Variants in ANKRD55 observed in about 807,000 individuals in gnomAD.
The protein encoded by ANKRD55 is ankyrin repeat domain 55.
A neutral mutation model predicts 60.6 loss-of-function variants in ANKRD55; 41 were observed. The observed-to-expected ratio is 0.68, with a 90% confidence interval of 0.53 to 0.88. The LOEUF (loss-of-function observed/expected upper bound fraction) is 0.88. ANKRD55 is among the 40% of genes least tolerant of loss of function. The pLI, the probability that ANKRD55 is intolerant of heterozygous loss-of-function variation, is 0.00. For missense variants in ANKRD55, 732 were observed against 767.6 expected (o/e 0.95, Z 0.55); for synonymous variants, 264 against 290.3 (o/e 0.91, Z 0.92).
intron 2 of ANKRD55, among the ~76,000 whole-genome samples, chr5:56,212,056 AC>A (rs1202059717): frequency 2.4e-5 from 3 of 125,858 alleles, no homozygotes; most frequent in African/African-American, 1.1e-4. Context: ...AAAGACACAC[AC>A]ACACACACAC....
chr5:56,203,706 G>A (rs141292570), intron 2 of ANKRD55, among the ~76,000 whole-genome samples: 19,063 of 152,106 alleles, frequency 0.13, 2,597 homozygotes, highest in African/African-American at 0.33. Context: ...TGGTGTATAT[G>A]TGCCACATTT....
At chr5:56,197,586 C>T (rs1457839802) in intron 2 of ANKRD55, among the ~76,000 whole-genome samples, 6 of 151,978 alleles carry the variant, frequency 3.9e-5, no homozygotes, top group East Asian at 3.8e-4. Context: ...TTAAGATCTT[C>T]GTTATTTAGA....
intron 10 of ANKRD55, among the ~76,000 whole-genome samples, chr5:56,109,259 C>T (rs1204425012): frequency 6.6e-6 from 1 of 152,132 alleles, no homozygotes; most frequent in Admixed American, 6.6e-5. Flanking sequence ...GTGGTGTGGA[C>T]TGGACTGAAC....
At chr5:56,187,276 C>T (rs891736368) in intron 2 of ANKRD55, among the ~76,000 whole-genome samples, 5 of 152,126 alleles carry the variant, frequency 3.3e-5, no homozygotes, top group African/African-American at 7.2e-5. Flanking sequence ...AGCTCACACC[C>T]GACCAATCAG....
chr5:56,136,575 C>A (rs1757603923), intron 7 of ANKRD55, among the ~76,000 whole-genome samples: 1 of 152,086 alleles, frequency 6.6e-6, no homozygotes, highest in South Asian at 2.1e-4. Context: ...TAGACACAGA[C>A]CTTATACCTT....
chr5:56,168,242 T>G (rs1758529173), intron 5 of ANKRD55, among the ~76,000 whole-genome samples: 1 of 152,224 alleles, frequency 6.6e-6, no homozygotes, highest in African/African-American at 2.4e-5. Flanking sequence ...TAATCTGCGG[T>G]TTCGCTTTCC....
At chr5:56,108,779 C>T (rs1056394911) in intron 10 of ANKRD55, among the ~76,000 whole-genome samples, 5 of 152,220 alleles carry the variant, frequency 3.3e-5, no homozygotes, top group African/African-American at 1.2e-4. Context: ...TGGCTCACGC[C>T]TGTAATCCCA....
chr5:56,131,622 C>A (rs1423127483), intron 7 of ANKRD55, among the ~76,000 whole-genome samples: 41 of 150,884 alleles, frequency 2.7e-4, no homozygotes, highest in African/African-American at 9.3e-4. Flanking sequence ...ATGGAGAAAC[C>A]CCGTCTCTGC....
intron 10 of ANKRD55, among the ~76,000 whole-genome samples, chr5:56,103,918 G>T (rs1462368531): frequency 1.3e-5 from 2 of 152,208 alleles, no homozygotes; most frequent in Admixed American, 1.3e-4. Flanking sequence ...CTGTGCAGAA[G>T]CGGCCACCTC....
chr5:56,159,199 T>C (rs914012031), intron 6 of ANKRD55, among the ~76,000 whole-genome samples: 9 of 152,150 alleles, frequency 5.9e-5, no homozygotes, highest in Non-Finnish European at 1.0e-4. Context: ...CAGTGGCTCA[T>C]GCCTGTAATC....
chr5:56,109,038 AACACACACAC>A (rs60023559), intron 10 of ANKRD55, among the ~76,000 whole-genome samples: 25,931 of 143,920 alleles, frequency 0.18, 2,762 homozygotes, highest in Non-Finnish European at 0.23. Context: ...TCTGTCTCAA[AACACACACAC>A]ACACACACAC....
chr5:56,123,783 A>G (rs1757150521), intron 8 of ANKRD55, among the ~76,000 whole-genome samples: 1 of 152,194 alleles, frequency 6.6e-6, no homozygotes, highest in Non-Finnish European at 1.5e-5. Context: ...CGAGGGGAGC[A>G]TATAGATAAT....
chr5:56,118,072 G>A (rs1756930668), intron 8 of ANKRD55, among the ~76,000 whole-genome samples: 1 of 151,930 alleles, frequency 6.6e-6, no homozygotes, highest in Non-Finnish European at 1.5e-5. Flanking sequence ...AAACCCCAGA[G>A]GCAGAGGTTG....
chr5:56,178,312 C>G (rs1186337422), intron 3 of ANKRD55, among the ~76,000 whole-genome samples: 1 of 151,494 alleles, frequency 6.6e-6, no homozygotes, highest in Non-Finnish European at 1.5e-5. Context: ...ACGTCAATGT[C>G]TCAACGTACG....
chr5:56,112,511 A>AAAAAAAAAAAAAAAAAAAAAAAAAAC, intron 9 of ANKRD55, among the ~76,000 whole-genome samples: 17 of 81,518 alleles, frequency 2.1e-4, no homozygotes, highest in African/African-American at 7.0e-4. Context: ...TAGCAAAAAA[A>AAAAAAAAAAAAAAAAAAAAAAAAAAC]AAAAAAAAAA....
At chr5:56,176,056 C>T (rs533727590) in intron 4 of ANKRD55, 96 bp downstream of exon 4, 5 of 1,490,578 alleles carry the variant, frequency 3.4e-6, no homozygotes, top group Non-Finnish European at 4.6e-6. Context: ...TAGCCAGCTG[C>T]ATAGATCCAA....
At chr5:56,130,299 T>G (rs1757375229) in intron 7 of ANKRD55, among the ~76,000 whole-genome samples, 1 of 152,164 alleles carries the variant, frequency 6.6e-6, no homozygotes, top group Non-Finnish European at 1.5e-5. Context: ...CTAATTGACC[T>G]TAGGGAAGAA....
intron 6 of ANKRD55, among the ~76,000 whole-genome samples, chr5:56,159,253 C>T (rs309635): frequency 0.43 from 65,731 of 151,994 alleles, 14,382 homozygotes; most frequent in South Asian, 0.52. Context: ...CCTGAGGTCG[C>T]GAGTTTGAGA....
intron 7 of ANKRD55, among the ~76,000 whole-genome samples, chr5:56,130,319 A>T (rs1470163756): frequency 2.0e-5 from 3 of 152,080 alleles, no homozygotes; most frequent in African/African-American, 7.2e-5. Context: ...AAAGTGTTCA[A>T]CTCCATCTAG....
Sources: gnomAD v4.1 joint callset for allele counts (sites outside exome capture counted in the v4.1 genomes callset) on GRCh38, gnomAD v4.1.1 for gene constraint, MANE v1.5 for transcripts, NCBI Gene and HGNC (gene_info 2026-07-23, HGNC 2026-07-21) for gene names.